ZEB1: variants seen among roughly 807,000 people sequenced by gnomAD.
The protein encoded by ZEB1 is zinc finger E-box binding homeobox 1, also known as zinc finger E-box-binding homeobox 1.
In ZEB1, 21 loss-of-function variants were observed where a neutral mutation model predicts 84.9. The observed-to-expected ratio is 0.25, with a 90% confidence interval of 0.18 to 0.36. The LOEUF is 0.36. ZEB1 is among the 10% of genes least tolerant of loss of function. The pLI, the probability that ZEB1 is intolerant of heterozygous loss-of-function variation, is 1.00. For synonymous variants in ZEB1, 420 were observed against 471.1 expected, an observed-to-expected ratio of 0.89 and a Z score of 1.41; for missense variants, 1,104 against 1,330.2, an observed-to-expected ratio of 0.83 and a Z score of 2.65.
At position 31,502,335 on chromosome 10, in the gene ZEB1, G is replaced by T. The variant is rs764632350; in HGVS notation, c.323-13G>T. The T allele has an allele frequency of 3.1e-6, 5 of 1,613,060 alleles. No individual in the cohort carries two copies. Among genetic ancestry groups the T allele is most frequent in the Non-Finnish European group, 4.2e-6 (5 of 1,179,394 alleles). On this transcript the variant is annotated splice_polypyrimidine_tract_variant and intron_variant, in intron 3 of 8. Coordinates refer to ENST00000424869, the MANE Select transcript of ZEB1 (RefSeq NM_001174096.2). The stretch of plus-strand genomic sequence containing the variant: ...GGTGAGATTGCTGTCTTAAAAGTAT[G>T]CATTTTTTTTAGTAAAAGATGATGA...
Position 31,526,878 on chromosome 10 carries a change from G to C in ZEB1, c.2992G>C (p.Glu998Gln). 1 of 1,614,194 alleles carries C rather than the reference G, an allele frequency of 6.2e-7. No homozygotes were observed. Among genetic ancestry groups the C allele is most frequent in the Non-Finnish European group, 8.5e-7 (1 of 1,180,044 alleles). The change falls in exon 9 of 9, where the codon GAG becomes CAG. Residue 998 changes from glutamate to glutamine, a missense_variant. Around this residue, in one of 7 missense-constraint regions of ZEB1, gnomAD observed 173 missense variants for 167.0 expected, o/e 1.04. Coordinates refer to ENST00000424869, the MANE Select transcript of ZEB1 (RefSeq NM_001174096.2). ...AGAAGCGGAAGAACGTGACAGCACA[G>C]AGCAGGAAGAGGCAGGGCCTGAAAT... ...KREAEERDSTEQEEAGPEILS... is the reference protein window; with the variant it reads ...KREAEERDSTQQEEAGPEILS...
chr10:31,379,025 A>C (rs1029798791), intron 1 of ZEB1, among the ~76,000 whole-genome samples: 2 of 152,034 alleles, frequency 1.3e-5, no homozygotes, highest in Non-Finnish European at 2.9e-5. Flanking sequence ...CTGAGTACCT[A>C]CTAAGTATAA....
intron 2 of ZEB1, among the ~76,000 whole-genome samples, chr10:31,480,645 G>A (rs1211261039): frequency 6.6e-6 from 1 of 152,002 alleles, no homozygotes; most frequent in Admixed American, 6.6e-5. Flanking sequence ...GTATTTCTGG[G>A]TATCTTGAGT....
In ZEB1 at chr10:31,499,444, A is replaced by G. The variant is rs376342771; in HGVS notation, c.323-2904A>G. On this transcript the variant is annotated intron_variant, in intron 3 of 8. Transcript: ENST00000424869. ...CTGGAAAATTTCCAATAACCTACCC[A>G]GCAAAGCCAGTTATCAACATCACAC... 2.5e-4 allele frequency among the ~76,000 whole-genome samples: 38 copies of G among 152,294 alleles called. 1 individual carries two copies. The highest frequency in any genetic ancestry group is 8.2e-4 in the African/African-American group (34 of 41,560).
chr10:31,322,253 G>T (rs2034286434), intron 1 of ZEB1, among the ~76,000 whole-genome samples: 1 of 152,192 alleles, frequency 6.6e-6, no homozygotes, highest in African/African-American at 2.4e-5. Context: ...CAGTATATGT[G>T]CTGGTTAATA....
At chr10:31,397,320 C>T (rs954835455) in intron 1 of ZEB1, among the ~76,000 whole-genome samples, 2 of 151,262 alleles carry the variant, frequency 1.3e-5, no homozygotes, top group Admixed American at 6.6e-5. Flanking sequence ...TTTACTGATA[C>T]GGTATTTAAG....
At chr10:31,426,313 C>T (rs2056919522) in intron 1 of ZEB1, among the ~76,000 whole-genome samples, 1 of 152,228 alleles carries the variant, frequency 6.6e-6, no homozygotes, top group Non-Finnish European at 1.5e-5. Flanking sequence ...CCCCTACCCT[C>T]ATCCCACCCC....
intron 1 of ZEB1, among the ~76,000 whole-genome samples, chr10:31,448,770 T>G (rs1420820035): frequency 3.3e-5 from 5 of 152,124 alleles, no homozygotes; most frequent in African/African-American, 9.7e-5. Context: ...GTCTGCCCAT[T>G]CTCAGATCTC....
chr10:31,422,051 T>G (rs2056251220), intron 1 of ZEB1, among the ~76,000 whole-genome samples: 1 of 152,122 alleles, frequency 6.6e-6, no homozygotes. Context: ...GGCCATCCTT[T>G]CTGGACGGGG....
At chr10:31,517,763 TAATG>T (rs1217542910) in intron 6 of ZEB1, among the ~76,000 whole-genome samples, 1 of 152,174 alleles carries the variant, frequency 6.6e-6, no homozygotes, top group Non-Finnish European at 1.5e-5. Flanking sequence ...TTAACAATAA[TAATG>T]ATAACTAGCA....
intron 1 of ZEB1, among the ~76,000 whole-genome samples, chr10:31,342,645 G>A (rs1294184754): frequency 7.2e-5 from 11 of 152,104 alleles, no homozygotes. Flanking sequence ...GGTATAATTG[G>A]AGATCTATAG....
At chr10:31,484,585 G>A (rs916991577) in intron 2 of ZEB1, among the ~76,000 whole-genome samples, 8 of 151,966 alleles carry the variant, frequency 5.3e-5, no homozygotes, top group East Asian at 1.9e-4. Flanking sequence ...ATTAACTTCC[G>A]TACTATCATA....
chr10:31,523,096 T>C, intron 7 of ZEB1, among the ~76,000 whole-genome samples: 1 of 152,238 alleles, frequency 6.6e-6, no homozygotes, highest in East Asian at 1.9e-4. Flanking sequence ...TCTTGCCTCA[T>C]AGAGCCATAA....
chr10:31,321,328 A>C, intron 1 of ZEB1: 1 of 1,433,072 alleles, frequency 7.0e-7, no homozygotes. Context: ...TCGTGATTTT[A>C]ATTATTCAAA....
At chr10:31,446,823 T>G (rs1277803560) in intron 1 of ZEB1, among the ~76,000 whole-genome samples, 1 of 151,010 alleles carries the variant, frequency 6.6e-6, no homozygotes, top group Non-Finnish European at 1.5e-5. Context: ...GAGGAGAGCT[T>G]TACTTCCAAG....
At chr10:31,375,864 G>A (rs1182318610) in intron 1 of ZEB1, among the ~76,000 whole-genome samples, 3 of 151,712 alleles carry the variant, frequency 2.0e-5, no homozygotes, top group African/African-American at 7.2e-5. Flanking sequence ...ATAAAATGGG[G>A]TGCCTTTCTA....
intron 1 of ZEB1, among the ~76,000 whole-genome samples, chr10:31,371,581 T>C (rs1190462906): frequency 1.3e-5 from 2 of 152,228 alleles, no homozygotes; most frequent in Admixed American, 1.3e-4. Context: ...TTCAAACTAT[T>C]AAACTGCCTC....
chr10:31,483,282 G>A (rs1470584502), intron 2 of ZEB1, among the ~76,000 whole-genome samples: 1 of 152,024 alleles, frequency 6.6e-6, no homozygotes, highest in African/African-American at 2.4e-5. Flanking sequence ...GAATAGCTCT[G>A]TGAGATAGAT....
intron 2 of ZEB1, among the ~76,000 whole-genome samples, chr10:31,473,237 G>A (rs1242655615): frequency 3.3e-4 from 50 of 150,104 alleles, no homozygotes; most frequent in African/African-American, 1.2e-3. Flanking sequence ...GGAAATAAAG[G>A]GTATTCAATT....
Sources: allele counts gnomAD v4.1 joint callset (sites outside exome capture counted in the v4.1 genomes callset), GRCh38; gene constraint gnomAD v4.1.1; regional missense constraint gnomAD v4.1.1; transcripts MANE v1.5; gene names NCBI Gene and HGNC (gene_info 2026-07-23, HGNC 2026-07-21).